Variants in TET3 observed in about 807,000 individuals in gnomAD.
TET3 encodes the protein methylcytosine dioxygenase TET3.
Under a neutral mutation model 141.4 loss-of-function variants are expected in TET3, and 19 were observed. That is an observed-to-expected ratio of 0.13 (90% CI 0.09 to 0.20). The LOEUF is 0.20. Among genes scored for constraint, TET3 ranks in the 10% least tolerant of loss-of-function variants. The probability of loss-of-function intolerance (pLI) is 1.00; values close to 1 mark genes in which losing one functional copy is unlikely to be tolerated. For synonymous variants in TET3, 1,043 were observed against 980.9 expected, an observed-to-expected ratio of 1.06 and a Z score of -1.18; for missense variants, 1,874 against 2,356.9, an observed-to-expected ratio of 0.80 and a Z score of 4.24.
chr2:74,070,613 T>A (rs1689153917), intron 4 of TET3, among the ~76,000 whole-genome samples: 1 of 152,206 alleles, frequency 6.6e-6, no homozygotes, highest in South Asian at 2.1e-4. Flanking sequence ...ATATCACTAC[T>A]GCATTTCAAG....
At chr2:74,065,523 A>G (rs1346648007) in intron 4 of TET3, among the ~76,000 whole-genome samples, 1 of 143,188 alleles carries the variant, frequency 7.0e-6, no homozygotes, top group East Asian at 2.0e-4. Context: ...TGAATTAACC[A>G]TTTCTCCAAG....
the TET3 span, among the ~76,000 whole-genome samples, chr2:74,122,676 GCTTTT>G: frequency 2.9e-5 from 3 of 104,292 alleles, no homozygotes; most frequent in Admixed American, 2.4e-4. Context: ...ACTACACCTA[GCTTTT>G]TTTTTTTTTT....
At chr2:74,038,806 C>A (rs545096672) in intron 3 of TET3, among the ~76,000 whole-genome samples, 10 of 152,148 alleles carry the variant, frequency 6.6e-5, no homozygotes, top group African/African-American at 2.2e-4. Flanking sequence ...TACACTCTTA[C>A]GAAAAGATCC....
intron 4 of TET3, among the ~76,000 whole-genome samples, chr2:74,052,556 C>T (rs1188432914): frequency 2.2e-5 from 2 of 92,392 alleles, no homozygotes; most frequent in Non-Finnish European, 4.5e-5. Flanking sequence ...TTCCTATAGC[C>T]AAAAAAAAAA....
chr2:74,027,681 G>A (rs1307483036), intron 3 of TET3, among the ~76,000 whole-genome samples: 1 of 152,146 alleles, frequency 6.6e-6, no homozygotes, highest in Non-Finnish European at 1.5e-5. Flanking sequence ...CCATGTTGTA[G>A]CCTGTGTCAA....
intron 4 of TET3, among the ~76,000 whole-genome samples, chr2:74,049,650 C>T (rs1687833830): frequency 6.6e-6 from 1 of 152,150 alleles, no homozygotes. Context: ...GCTGTCTTCC[C>T]TACTTGTGAA....
chr2:74,101,943 AGGGCAC>A lies in TET3; in HGVS notation c.5164_5169del (p.Ala1722_Arg1723del), dbSNP rs764369690. On this transcript the variant is annotated inframe_deletion, in exon 12 of 12. Transcript: ENST00000409262. This position sits in a 1 kb window ranked among gnomAD's most constrained non-coding sequence, Gnocchi z 8.5. The stretch of plus-strand genomic sequence containing the variant: ...AGCCAAGATGAAGCAGCTGGCGGAG[AGGGCAC>A]GGGCACGGCAGGAGGAGGCTGCCCG... The A allele has an allele frequency of 4.3e-6, 7 of 1,612,766 alleles. No homozygotes were observed. The highest frequency in any genetic ancestry group is 5.1e-6 in the Non-Finnish European group (6 of 1,179,358).
At chr2:74,125,106 A>G in the TET3 span, among the ~76,000 whole-genome samples, 1 of 151,352 alleles carries the variant, frequency 6.6e-6, no homozygotes, top group Non-Finnish European at 1.5e-5. Flanking sequence ...TCCTGGGTTC[A>G]AGTGATTCTC....
chr2:74,077,958 T>A (rs1200611050), intron 5 of TET3, among the ~76,000 whole-genome samples: 2 of 152,224 alleles, frequency 1.3e-5, no homozygotes, highest in Non-Finnish European at 2.9e-5. Flanking sequence ...AAAGCAGCAT[T>A]ATGTGATCTT....
At chr2:74,026,363 C>G (rs1038266907) in intron 3 of TET3, among the ~76,000 whole-genome samples, 1 of 152,150 alleles carries the variant, frequency 6.6e-6, no homozygotes, top group Admixed American at 6.5e-5. Flanking sequence ...CTGTCACCCC[C>G]CTCTCCCCCA....
At chr2:74,130,123 G>C in the TET3 span, among the ~76,000 whole-genome samples, 94 of 150,030 alleles carry the variant, frequency 6.3e-4, 1 homozygote, top group African/African-American at 2.2e-3. Flanking sequence ...GTTGGCTTTA[G>C]TATAGACACT....
intron 3 of TET3, among the ~76,000 whole-genome samples, chr2:74,035,654 G>C (rs1687010195): frequency 6.6e-6 from 1 of 151,952 alleles, no homozygotes; most frequent in African/African-American, 2.4e-5. Flanking sequence ...TTGAGCCCAG[G>C]AGGTGGAGGT....
At chr2:74,055,201 C>G (rs559714127) in intron 4 of TET3, among the ~76,000 whole-genome samples, 1 of 152,048 alleles carries the variant, frequency 6.6e-6, no homozygotes, top group South Asian at 2.1e-4. Flanking sequence ...TGCCTGGCCG[C>G]GTGTTGTATT....
intron 3 of TET3, among the ~76,000 whole-genome samples, chr2:74,034,824 A>T (rs1686944418): frequency 6.6e-6 from 1 of 152,028 alleles, no homozygotes; most frequent in Admixed American, 6.6e-5. Context: ...TGCATGTTTG[A>T]CATTAAAAGG....
chr2:74,033,370 T>C (rs1301742787), intron 3 of TET3, among the ~76,000 whole-genome samples: 1 of 152,230 alleles, frequency 6.6e-6, no homozygotes, highest in East Asian at 1.9e-4. Context: ...TTTTGAATCC[T>C]ATTTTTTCCC....
chr2:74,001,176 C>T (rs1401169360), intron 2 of TET3, among the ~76,000 whole-genome samples: 9 of 152,198 alleles, frequency 5.9e-5, no homozygotes, highest in Non-Finnish European at 2.9e-5. Flanking sequence ...GCCCTGATGC[C>T]TCCTGGAGTC....
Position 74,030,234 on chromosome 2 carries a change from A to G in TET3, c.361-16044A>G, listed in dbSNP as rs534585834. On this transcript the variant is annotated intron_variant, in intron 3 of 11. Transcript: ENST00000409262. ...GACATCTCATAATTCTGTGGGCTGC[A>G]AATACTTATTTTCACTTTTTAAAAA... is the stretch of plus-strand genomic sequence containing the variant. 1.7e-4 allele frequency among the ~76,000 whole-genome samples: 26 copies of G among 152,354 alleles called. 1 individual carries two copies. In the South Asian group the frequency reaches 5.4e-3, roughly 32 times the overall value.
chr2:74,035,778 G>A (rs945736968), intron 3 of TET3, among the ~76,000 whole-genome samples: 18 of 151,516 alleles, frequency 1.2e-4, no homozygotes, highest in Middle Eastern at 3.4e-3. Flanking sequence ...TTGGGAGGCC[G>A]AGGTGGGTGG....
At chr2:74,065,563 T>TG (rs1291904974) in intron 4 of TET3, among the ~76,000 whole-genome samples, 2 of 151,302 alleles carry the variant, frequency 1.3e-5, no homozygotes, top group Non-Finnish European at 2.9e-5. Flanking sequence ...TTGTTTTTTT[T>TG]TTTTTTGGCT....
Sources: allele counts gnomAD v4.1 joint callset (sites outside exome capture counted in the v4.1 genomes callset), GRCh38; gene constraint gnomAD v4.1.1; non-coding constraint Gnocchi (gnomAD v3.1); transcripts MANE v1.5; gene names NCBI Gene and HGNC (gene_info 2026-07-23, HGNC 2026-07-21).